The following FBXO8 variants were observed in gnomAD, a reference collection of about 807,000 sequenced individuals.
The protein encoded by FBXO8 is F-box only protein 8.
In FBXO8, 15 loss-of-function variants were observed where a neutral mutation model predicts 33.4. The ratio of observed to expected loss-of-function variants is 0.45; its 90% CI spans 0.30 to 0.69. FBXO8 has a LOEUF of 0.69. Ranked by LOEUF, FBXO8 falls within the 30% of genes least tolerant of loss-of-function variation. The pLI, the probability that FBXO8 is intolerant of heterozygous loss-of-function variation, is 0.08. For synonymous variants in FBXO8, 132 were observed against 131.5 expected (o/e 1.00, Z -0.02); for missense variants, 274 against 380.3 (o/e 0.72, Z 2.32).
chr4:174,242,777 T>C (rs1452717857), intron 3 of FBXO8, among the ~76,000 whole-genome samples: 4 of 151,508 alleles, frequency 2.6e-5, no homozygotes, highest in Non-Finnish European at 4.4e-5. Context: ...CTCCATTAGT[T>C]TGAATAATCG....
At position 174,237,381 on chromosome 4, in the gene FBXO8, G is replaced by A; in HGVS notation, c.*31C>T. On this transcript the variant is annotated 3_prime_UTR_variant, in exon 6 of 6. Transcript: ENST00000393674. This position sits in a 1 kb window ranked among gnomAD's most constrained non-coding sequence, Gnocchi z 4.4. Reference sequence around the variant, plus strand: ...AGTCCTTGGGTAGCTTTAGTCTGAAGTAAAAACTGAAGTCCTAGCAATTGT... The same window carrying A: ...AGTCCTTGGGTAGCTTTAGTCTGAAATAAAAACTGAAGTCCTAGCAATTGT... The A allele has an allele frequency of 1.3e-6, 2 of 1,588,690 alleles. No homozygotes were observed. The highest frequency in any genetic ancestry group is 8.6e-7 in the Non-Finnish European group (1 of 1,163,968).
Position 174,257,608 on chromosome 4 carries a change from T to C in FBXO8, c.456+2091A>G, listed in dbSNP as rs1175398950. Among the ~76,000 whole-genome samples, 1 of 152,160 alleles carries C rather than the reference T, an allele frequency of 6.6e-6. No homozygotes were observed. The highest frequency in any genetic ancestry group is 1.9e-4 in the East Asian group (1 of 5,190). ...GCACTGTACCATTCTGCCTCAGTTT[T>C]ACTCCAGCAATCATCATTCAATTAC... is the stretch of plus-strand genomic sequence containing the variant. On this transcript the variant is annotated intron_variant, in intron 3 of 5. Transcript: ENST00000393674. This position sits in a 1 kb window ranked among gnomAD's most constrained non-coding sequence, Gnocchi z 4.3.
In FBXO8 at chr4:174,257,701, C is replaced by T. The variant is rs1736447287; in HGVS notation, c.456+1998G>A. ...TATTAAGATCATTGAGACAGGGTCT[C>T]ACTCTCACAGCTTATTGCACTCTTG... On this transcript the variant is annotated intron_variant, in intron 3 of 5. Transcript: ENST00000393674. The surrounding 1 kb of genome is among the most constrained non-coding windows in gnomAD (Gnocchi z 4.3). Among the ~76,000 whole-genome samples, 1 of 152,082 alleles carries T rather than the reference C, an allele frequency of 6.6e-6. No homozygotes were observed. Among genetic ancestry groups the T allele is most frequent in the African/African-American group, 2.4e-5 (1 of 41,402 alleles).
rs1252534488 is a variant in FBXO8, at chr4:174,236,721, T to C, written c.*691A>G. ...GAATGTAAATCATAAATTTTGATGT[T>C]TTAAAAATCCTAAATGGTTTAAAGG... On this transcript the variant is annotated 3_prime_UTR_variant, in exon 6 of 6. Transcript: ENST00000393674. The C allele has an allele frequency of 6.6e-6, 1 of 152,158 alleles. No homozygotes were observed. The highest frequency in any genetic ancestry group is 1.5e-5 in the Non-Finnish European group (1 of 68,008). The allele number at this position is 152,158 out of a possible 1,614,324, so 9.4% of individuals were successfully genotyped here.
rs372065427 is a variant in FBXO8 at position 174,255,268 on chromosome 4, G to A, written c.456+4431C>T. Among the ~76,000 whole-genome samples the A allele has an allele frequency of 6.6e-6, 1 of 152,066 alleles. No individual in the cohort carries two copies. Among genetic ancestry groups the A allele is most frequent in the South Asian group, 2.1e-4 (1 of 4,830 alleles). On this transcript the variant is annotated intron_variant, in intron 3 of 5. Transcript: ENST00000393674. This position sits in a 1 kb window ranked among gnomAD's most constrained non-coding sequence, Gnocchi z 4.3. ...CACTGTTGCTACGCTATGAAGTAAT[G>A]GTAATGACGATTTTGTTGTTGAATA...
At chr4:174,273,764 G>A (rs1223711187) in intron 1 of FBXO8, among the ~76,000 whole-genome samples, 2 of 152,040 alleles carry the variant, frequency 1.3e-5, no homozygotes, top group East Asian at 3.8e-4. Context: ...CAATTTTTTT[G>A]TAACTACAAA....
chr4:174,268,361 C>T (rs778320791), intron 1 of FBXO8, among the ~76,000 whole-genome samples: 5 of 152,234 alleles, frequency 3.3e-5, no homozygotes, highest in Admixed American at 2.0e-4. Flanking sequence ...GTATTTTATC[C>T]ATAAGGCACA....
intron 1 of FBXO8, among the ~76,000 whole-genome samples, chr4:174,280,895 A>G (rs1737070875): frequency 2.0e-5 from 3 of 152,204 alleles, no homozygotes; most frequent in Admixed American, 2.0e-4. Context: ...ATTATTGTTT[A>G]ATAGGTATAG....
In FBXO8 at chr4:174,252,078, C is replaced by T. The variant is rs1454672842; in HGVS notation, c.456+7621G>A. ...CAACTTCCTGGACTCAAGTGATCCTCCCACCTCAGCCCCCTAAGTAGCTGC... is the reference window on the plus strand; with the variant it reads ...CAACTTCCTGGACTCAAGTGATCCTTCCACCTCAGCCCCCTAAGTAGCTGC... On this transcript the variant is annotated intron_variant, in intron 3 of 5. Coordinates refer to ENST00000393674, the MANE Select transcript of FBXO8 (RefSeq NM_012180.3). The surrounding 1 kb of genome is among the most constrained non-coding windows in gnomAD (Gnocchi z 5.1). 1.3e-5 allele frequency among the ~76,000 whole-genome samples: 2 copies of T among 152,106 alleles called. No homozygotes were observed. The highest frequency in any genetic ancestry group is 2.9e-5 in the Non-Finnish European group (2 of 68,008).
rs1737085936 is a variant in FBXO8 at position 174,281,457 on chromosome 4, G to A, written c.-9+1953C>T. Among the ~76,000 whole-genome samples the A allele has an allele frequency of 6.6e-6, 1 of 152,170 alleles. No individual in the cohort carries two copies. The highest frequency in any genetic ancestry group is 2.4e-5 in the African/African-American group (1 of 41,448). On this transcript the variant is annotated intron_variant, in intron 1 of 5. Transcript: ENST00000393674. The surrounding 1 kb of genome is among the most constrained non-coding windows in gnomAD (Gnocchi z 4.6). Reference sequence around the variant, plus strand: ...CACACCTATGATTCCTGAACCTTGGGAGGCTGTGGAAGGAGGATCGCTTGA... The same window carrying A: ...CACACCTATGATTCCTGAACCTTGGAAGGCTGTGGAAGGAGGATCGCTTGA...
chr4:174,239,259 C>A (rs2126411937), intron 4 of FBXO8, 69 bp from the exon 5 acceptor site: 2 of 1,148,294 alleles, frequency 1.7e-6, no homozygotes, highest in Non-Finnish European at 2.4e-6. Context: ...AGAAAAATAA[C>A]AAATTTCCAT....
In FBXO8 at chr4:174,278,099, A is replaced by C. The variant is rs1401213141; in HGVS notation, c.-9+5311T>G. Among the ~76,000 whole-genome samples, 1 of 152,080 alleles carries C rather than the reference A, an allele frequency of 6.6e-6. No individual in the cohort carries two copies. The highest frequency in any genetic ancestry group is 2.4e-5 in the African/African-American group (1 of 41,448). ...AGAGAAATTTTTTAAAAAAGAAAAA[A>C]ACCCTGATAACCAATCACATCCCTA... On this transcript the variant is annotated intron_variant, in intron 1 of 5. Transcript: ENST00000393674. This position sits in a 1 kb window ranked among gnomAD's most constrained non-coding sequence, Gnocchi z 4.1.
At chr4:174,282,319 T>C (rs1342399518) in intron 1 of FBXO8, among the ~76,000 whole-genome samples, 1 of 152,176 alleles carries the variant, frequency 6.6e-6, no homozygotes, top group Non-Finnish European at 1.5e-5. Context: ...TAACTTATTA[T>C]TAAATGAAGT....
In FBXO8 at chr4:174,255,460, T is replaced by C. The variant is rs1165662646; in HGVS notation, c.456+4239A>G. Among the ~76,000 whole-genome samples the C allele has an allele frequency of 1.3e-5, 2 of 152,130 alleles. No individual in the cohort carries two copies. Among genetic ancestry groups the C allele is most frequent in the Admixed American group, 1.3e-4 (2 of 15,266 alleles). Reference sequence around the variant, plus strand: ...TCTTGAAAATAAGTTGCATATTCATTTCTACCTCAAACATGTGGATAGGTC... The same window carrying C: ...TCTTGAAAATAAGTTGCATATTCATCTCTACCTCAAACATGTGGATAGGTC... On this transcript the variant is annotated intron_variant, in intron 3 of 5. Transcript: ENST00000393674. The surrounding 1 kb of genome is among the most constrained non-coding windows in gnomAD (Gnocchi z 4.3).
rs1579023541 is a variant in FBXO8 at position 174,251,760 on chromosome 4, T to A, written c.456+7939A>T. ...GCTATTTAGTGTCTGAGAGGCATAA[T>A]TTTTCACTTTGACTCTAATGCTGAT... is the stretch of plus-strand genomic sequence containing the variant. On this transcript the variant is annotated intron_variant, in intron 3 of 5. Transcript: ENST00000393674. The surrounding 1 kb of genome is among the most constrained non-coding windows in gnomAD (Gnocchi z 4.2). Among the ~76,000 whole-genome samples, 1 of 152,132 alleles carries A rather than the reference T, an allele frequency of 6.6e-6. No homozygotes were observed. The highest frequency in any genetic ancestry group is 2.4e-5 in the African/African-American group (1 of 41,420).
Position 174,253,213 on chromosome 4 carries a change from A to G in FBXO8, c.456+6486T>C, listed in dbSNP as rs1736336190. Among the ~76,000 whole-genome samples, 1 of 152,114 alleles carries G rather than the reference A, an allele frequency of 6.6e-6. No homozygotes were observed. Among genetic ancestry groups the G allele is most frequent in the Admixed American group, 6.6e-5 (1 of 15,264 alleles). The stretch of plus-strand genomic sequence containing the variant: ...GCCTTGGCCATGTAGGCCCAGTGTG[A>G]TTTTTAAAAAATTACTTTTATCATA... On this transcript the variant is annotated intron_variant, in intron 3 of 5. Coordinates refer to ENST00000393674, the MANE Select transcript of FBXO8 (RefSeq NM_012180.3). The surrounding 1 kb of genome is among the most constrained non-coding windows in gnomAD (Gnocchi z 4.5).
chr4:174,267,984 A>G lies in FBXO8; in HGVS notation c.-8-4884T>C, dbSNP rs1273228737. Among the ~76,000 whole-genome samples the G allele has an allele frequency of 6.6e-6, 1 of 152,234 alleles. No individual in the cohort carries two copies. Among genetic ancestry groups the G allele is most frequent in the Non-Finnish European group, 1.5e-5 (1 of 68,032 alleles). ...CTACAGCTTTATTTGTTCACTCAAA[A>G]TAGGTGGAGAAAATAGATATTTATT... On this transcript the variant is annotated intron_variant, in intron 1 of 5. Coordinates refer to ENST00000393674, the MANE Select transcript of FBXO8 (RefSeq NM_012180.3). The surrounding 1 kb of genome is among the most constrained non-coding windows in gnomAD (Gnocchi z 4.7).
Position 174,247,473 on chromosome 4 carries a change from A to C in FBXO8, c.457-6255T>G, listed in dbSNP as rs1191127255. Among the ~76,000 whole-genome samples the C allele has an allele frequency of 6.6e-6, 1 of 152,048 alleles. No individual in the cohort carries two copies. Among genetic ancestry groups the C allele is most frequent in the Non-Finnish European group, 1.5e-5 (1 of 67,992 alleles). ...CATTATATAATAGAAAGCCAATTGGATACTGCATTTAATTTTCTTTTAAAA... is the reference window on the plus strand; with the variant it reads ...CATTATATAATAGAAAGCCAATTGGCTACTGCATTTAATTTTCTTTTAAAA... On this transcript the variant is annotated intron_variant, in intron 3 of 5. Coordinates refer to ENST00000393674, the MANE Select transcript of FBXO8 (RefSeq NM_012180.3). This position sits in a 1 kb window ranked among gnomAD's most constrained non-coding sequence, Gnocchi z 4.6.
Position 174,252,290 on chromosome 4 carries a change from A to G in FBXO8, c.456+7409T>C, listed in dbSNP as rs1736306586. 6.6e-6 allele frequency among the ~76,000 whole-genome samples: 1 copy of G among 152,148 alleles called. No individual in the cohort carries two copies. Among genetic ancestry groups the G allele is most frequent in the South Asian group, 2.1e-4 (1 of 4,828 alleles). On this transcript the variant is annotated intron_variant, in intron 3 of 5. Coordinates refer to ENST00000393674, the MANE Select transcript of FBXO8 (RefSeq NM_012180.3). This position sits in a 1 kb window ranked among gnomAD's most constrained non-coding sequence, Gnocchi z 5.1. ...ACCCAGTTAGCAATGTTTATTTTTA[A>G]AAATTTGCATTGAGGATTACATCTC... is the stretch of plus-strand genomic sequence containing the variant.
Sources: allele counts gnomAD v4.1 joint callset (sites outside exome capture counted in the v4.1 genomes callset), GRCh38; gene constraint gnomAD v4.1.1; non-coding constraint Gnocchi (gnomAD v3.1); transcripts MANE v1.5; gene names NCBI Gene and HGNC (gene_info 2026-07-23, HGNC 2026-07-21).